NKAIN2: variants seen among roughly 807,000 people sequenced by gnomAD.
The protein encoded by NKAIN2 is sodium/potassium transporting ATPase interacting 2.
A neutral mutation model predicts 32.6 loss-of-function variants in NKAIN2; 14 were observed. The ratio of observed to expected loss-of-function variants is 0.43; its 90% CI spans 0.28 to 0.67. The LOEUF (loss-of-function observed/expected upper bound fraction) is 0.67. NKAIN2 is among the 30% of genes least tolerant of loss of function. The pLI is 0.17. For synonymous variants in NKAIN2, 80 were observed against 87.2 expected, an observed-to-expected ratio of 0.92 and a Z score of 0.46; for missense variants, 198 against 258.3, an observed-to-expected ratio of 0.77 and a Z score of 1.60.
Position 124,782,970 on chromosome 6 carries a change from T to C in NKAIN2, c.475-8369T>C, listed in dbSNP as rs548883202. Among the ~76,000 whole-genome samples, 5 of 152,246 alleles carry C rather than the reference T, an allele frequency of 3.3e-5. No homozygotes were observed. The East Asian group carries it at 9.7e-4, about 29-fold the overall frequency. Reference sequence around the variant, plus strand: ...ATAGTTTTGGTTAAGGACTCCCCTATGGCTCTTATCTCTAAACCGGAAGGC... The same window carrying C: ...ATAGTTTTGGTTAAGGACTCCCCTACGGCTCTTATCTCTAAACCGGAAGGC... On this transcript the variant is annotated intron_variant, in intron 4 of 6. Transcript: ENST00000368417.
chr6:124,204,427 A>G (rs866164032), intron 1 of NKAIN2, among the ~76,000 whole-genome samples: 1 of 151,870 alleles, frequency 6.6e-6, no homozygotes, highest in Non-Finnish European at 1.5e-5. Flanking sequence ...CTTTAAAAGC[A>G]TAACTGACAA....
intron 4 of NKAIN2, among the ~76,000 whole-genome samples, chr6:124,696,571 T>A (rs1774509238): frequency 1.3e-5 from 2 of 152,072 alleles, no homozygotes; most frequent in South Asian, 4.1e-4. Flanking sequence ...TCATAGCTGG[T>A]CTTTCTTGTG....
intron 3 of NKAIN2, among the ~76,000 whole-genome samples, chr6:124,534,885 G>T (rs538031155): frequency 8.5e-5 from 13 of 152,180 alleles, no homozygotes; most frequent in Non-Finnish European, 1.6e-4. Context: ...GTGGGAGATT[G>T]GTTCCAGGAC....
intron 3 of NKAIN2, among the ~76,000 whole-genome samples, chr6:124,377,606 G>C (rs1425260249): frequency 6.6e-6 from 1 of 152,118 alleles, no homozygotes; most frequent in Non-Finnish European, 1.5e-5. Flanking sequence ...AACTTCACTG[G>C]CCAGGAGAGC....
chr6:124,704,388 T>C (rs567154774), intron 4 of NKAIN2, among the ~76,000 whole-genome samples: 10 of 152,022 alleles, frequency 6.6e-5, no homozygotes, highest in Admixed American at 1.3e-4. Context: ...ACAATGTAAG[T>C]TGAAATTTAA....
chr6:124,650,451 G>A (rs1784328832), intron 3 of NKAIN2, among the ~76,000 whole-genome samples: 1 of 152,066 alleles, frequency 6.6e-6, no homozygotes, highest in South Asian at 2.1e-4. Context: ...ACTATTTTGT[G>A]CTGCTGTAAC....
At chr6:123,848,089 G>A (rs1050448805) in intron 1 of NKAIN2, among the ~76,000 whole-genome samples, 2 of 152,216 alleles carry the variant, frequency 1.3e-5, no homozygotes, top group Non-Finnish European at 2.9e-5. Flanking sequence ...AGTGAGGAAA[G>A]TGGAAATACT....
At chr6:123,961,086 G>T (rs1174607150) in intron 1 of NKAIN2, among the ~76,000 whole-genome samples, 1 of 151,862 alleles carries the variant, frequency 6.6e-6, no homozygotes, top group Admixed American at 6.6e-5. Flanking sequence ...CTTTCCCCTT[G>T]TTCAATTCTA....
intron 3 of NKAIN2, among the ~76,000 whole-genome samples, chr6:124,611,820 C>T (rs1218436791): frequency 2.0e-5 from 3 of 152,062 alleles, no homozygotes; most frequent in Admixed American, 6.6e-5. Flanking sequence ...AGTGTGACTC[C>T]GCCTTGAGGT....
Position 124,369,458 on chromosome 6 carries a change from A to G in NKAIN2, c.273+14111A>G, listed in dbSNP as rs548176727. On this transcript the variant is annotated intron_variant, in intron 3 of 6. Coordinates refer to ENST00000368417, the MANE Select transcript of NKAIN2 (RefSeq NM_001040214.3). The stretch of plus-strand genomic sequence containing the variant: ...AAGCTTGTCCAATCCACAGCCTGCA[A>G]GCTGCATGCAACCCAGGATGGCTTT... Among the ~76,000 whole-genome samples the G allele has an allele frequency of 9.9e-4, 151 of 152,250 alleles. 1 individual carries two copies. Among genetic ancestry groups the G allele is most frequent in the Non-Finnish European group, 1.7e-3 (117 of 68,020 alleles).
At chr6:124,400,532 G>A (rs547573738) in intron 3 of NKAIN2, among the ~76,000 whole-genome samples, 7 of 152,118 alleles carry the variant, frequency 4.6e-5, no homozygotes, top group African/African-American at 9.6e-5. Flanking sequence ...TGTGAATTTG[G>A]CCTAGGCAGC....
At chr6:124,480,114 C>G (rs1163001734) in intron 3 of NKAIN2, among the ~76,000 whole-genome samples, 1 of 152,158 alleles carries the variant, frequency 6.6e-6, no homozygotes, top group Non-Finnish European at 1.5e-5. Context: ...CTTTTTAGTT[C>G]ATGACATTAC....
intron 3 of NKAIN2, among the ~76,000 whole-genome samples, chr6:124,611,540 C>T (rs1782689434): frequency 6.6e-6 from 1 of 152,102 alleles, no homozygotes; most frequent in South Asian, 2.1e-4. Context: ...CCCCCACCTC[C>T]CGACAGGCCC....
intron 2 of NKAIN2, among the ~76,000 whole-genome samples, chr6:124,326,366 G>T (rs933049688): frequency 2.0e-5 from 3 of 152,076 alleles, no homozygotes; most frequent in Non-Finnish European, 4.4e-5. Context: ...GGTGAATGCA[G>T]AGATGAACCA....
At chr6:123,961,725 A>G (rs1448877604) in intron 1 of NKAIN2, among the ~76,000 whole-genome samples, 1 of 152,204 alleles carries the variant, frequency 6.6e-6, no homozygotes. Flanking sequence ...AGTGTAGGGC[A>G]CATTTTTAAC....
chr6:124,355,438 T>A, intron 3 of NKAIN2, 91 bp downstream of exon 3: 2 of 698,654 alleles, frequency 2.9e-6, no homozygotes, highest in Admixed American at 4.8e-5. Context: ...TCTGCTTGCT[T>A]AGCTGCACCT....
chr6:124,706,196 TACTC>T (rs1370479456), intron 4 of NKAIN2, among the ~76,000 whole-genome samples: 1 of 152,138 alleles, frequency 6.6e-6, no homozygotes, highest in Non-Finnish European at 1.5e-5. Context: ...ATAATAATAA[TACTC>T]AACAAATGTC....
intron 1 of NKAIN2, among the ~76,000 whole-genome samples, chr6:124,028,128 G>A (rs1477190799): frequency 6.6e-6 from 1 of 151,692 alleles, no homozygotes; most frequent in Non-Finnish European, 1.5e-5. Flanking sequence ...TTTCTTTGTT[G>A]GTCTTTTATA....
chr6:123,908,395 CAG>C (rs1413765491), intron 1 of NKAIN2, among the ~76,000 whole-genome samples: 3 of 152,142 alleles, frequency 2.0e-5, no homozygotes, highest in Admixed American at 6.5e-5. Flanking sequence ...CACATCCAAA[CAG>C]AGAAATAAAT....
Sources: gnomAD v4.1 joint callset for allele counts (sites outside exome capture counted in the v4.1 genomes callset) on GRCh38, gnomAD v4.1.1 for gene constraint, MANE v1.5 for transcripts, NCBI Gene and HGNC (gene_info 2026-07-23, HGNC 2026-07-21) for gene names.